LSM10: variants seen among roughly 807,000 people sequenced by gnomAD.
LSM10 encodes LSM10, U7 small nuclear RNA associated.
In LSM10, 4 loss-of-function variants were observed where a neutral mutation model predicts 5.2. The ratio of observed to expected loss-of-function variants is 0.77; its 90% CI spans 0.38 to 1.77. The LOEUF (loss-of-function observed/expected upper bound fraction) is 1.77, where lower values mean the gene tolerates loss of function less well. Among genes scored for constraint, LSM10 ranks in the 40% most tolerant of loss-of-function variants. The pLI, the probability that LSM10 is intolerant of heterozygous loss-of-function variation, is 0.04. For synonymous variants in LSM10, 63 were observed against 67.4 expected, an observed-to-expected ratio of 0.94 and a Z score of 0.32; for missense variants, 150 against 171.6, an observed-to-expected ratio of 0.87 and a Z score of 0.70.
At position 36,393,821 on chromosome 1, in the gene LSM10, C is replaced by G; in HGVS notation, c.309G>C (p.Arg103=). The change falls in exon 2 of 2, where the codon CGG becomes CGC. Residue 103 remains arginine (R), a synonymous_variant. Transcript: ENST00000315732. ...TIEQQLQIIH[R]VRNFGGKGQG... is the part of the protein sequence containing the mutation. Reference sequence around the variant, plus strand: ...GGCCCTTGCCACCAAAGTTTCGCACCCGATGGATAATCTGCAGCTGCTGCT... The same window carrying G: ...GGCCCTTGCCACCAAAGTTTCGCACGCGATGGATAATCTGCAGCTGCTGCT... 1.9e-6 allele frequency: 3 copies of G among 1,614,202 alleles called. No individual in the cohort carries two copies. The highest frequency in any genetic ancestry group is 1.1e-5 in the South Asian group (1 of 91,092).
chr1:36,394,549 G>A (rs11263880), intron 1 of LSM10, among the ~76,000 whole-genome samples: 47,359 of 151,662 alleles, frequency 0.31, 7,498 homozygotes, highest in African/African-American at 0.35. Flanking sequence ...GCTCACGCCT[G>A]TAATCCCAGC....
In LSM10 at chr1:36,393,812, G is replaced by A. The variant is rs751719074; in HGVS notation, c.318C>T (p.Asn106=). 3.1e-6 allele frequency: 5 copies of A among 1,614,128 alleles called. No individual in the cohort carries two copies. The highest frequency in any genetic ancestry group is 3.3e-5 in the Admixed American group (2 of 60,002). ...QQLQIIHRVR[N]FGGKGQGRWE... ...ACCGGCCTTGGCCCTTGCCACCAAA[G>A]TTTCGCACCCGATGGATAATCTGCA... Residue 106 remains asparagine (N), a synonymous_variant, in exon 2 of 2, where the codon AAC becomes AAT. Transcript: ENST00000315732.
Position 36,395,130 on chromosome 1 carries a change from C to T in LSM10, c.-24-977G>A, listed in dbSNP as rs577629306. On this transcript the variant is annotated intron_variant, in intron 1 of 1. Coordinates refer to ENST00000315732, the MANE Select transcript of LSM10 (RefSeq NM_032881.3). Reference sequence around the variant, plus strand: ...CTCAAAAAATAAAGAAAATGGTGAGCATTTCTATTGGGTCAGAGACAAGAA... The same window carrying T: ...CTCAAAAAATAAAGAAAATGGTGAGTATTTCTATTGGGTCAGAGACAAGAA... 1.2e-4 allele frequency among the ~76,000 whole-genome samples: 18 copies of T among 152,130 alleles called. No individual in the cohort carries two copies. The South Asian group carries it at 2.5e-3, about 21-fold the overall frequency.
At chr1:36,396,914 G>A (rs1647161293) in intron 1 of LSM10, among the ~76,000 whole-genome samples, 1 of 151,926 alleles carries the variant, frequency 6.6e-6, no homozygotes, top group Non-Finnish European at 1.5e-5. Context: ...GTTACAGTGA[G>A]CCAAGATTGT....
At chr1:36,397,613 C>T (rs1436587829) in intron 1 of LSM10, 154 bp downstream of exon 1, 1 of 152,284 alleles carries the variant, frequency 6.6e-6, no homozygotes, top group Non-Finnish European at 1.5e-5. Flanking sequence ...ATGAGCACCG[C>T]TTACTCAGAG....
In LSM10 at chr1:36,393,991, C is replaced by T. The variant is rs1445791132; in HGVS notation, c.139G>A (p.Asp47Asn). Residue 47 changes from aspartate to asparagine, a missense_variant, in exon 2 of 2, where the codon GAT becomes AAT. Coordinates refer to ENST00000315732, the MANE Select transcript of LSM10 (RefSeq NM_032881.3). ...GCCAGGCGGATGTTCATGAAAGCAT[C>T]GACATTGTCTATGCGTCCGTGGGCC... ...SVAHGRIDNV[D>N]AFMNIRLAKV... 3.1e-6 allele frequency: 5 copies of T among 1,614,238 alleles called. No individual in the cohort carries two copies. Among genetic ancestry groups the T allele is most frequent in the Admixed American group, 1.7e-5 (1 of 60,028 alleles).
chr1:36,397,001 G>A (rs993320512), intron 1 of LSM10, among the ~76,000 whole-genome samples: 19 of 151,654 alleles, frequency 1.3e-4, no homozygotes, highest in African/African-American at 4.6e-4. Flanking sequence ...ATAATGAATT[G>A]GGGAAAAAAA....
chr1:36,396,057 C>T (rs1003831737), intron 1 of LSM10, among the ~76,000 whole-genome samples: 1 of 151,746 alleles, frequency 6.6e-6, no homozygotes, highest in African/African-American at 2.4e-5. Context: ...CCCATCTCTA[C>T]TAAAAATACA....
intron 1 of LSM10, among the ~76,000 whole-genome samples, chr1:36,396,759 G>A (rs1214684514): frequency 6.6e-6 from 1 of 152,200 alleles, no homozygotes. Context: ...ATCACCTGAG[G>A]TCAGGAGTTC....
Position 36,394,115 on chromosome 1 carries a change from A to G in LSM10, c.15T>C (p.His5=), listed in dbSNP as rs1265897660. 1 of 1,611,576 alleles carries G rather than the reference A, an allele frequency of 6.2e-7. No homozygotes were observed. Among genetic ancestry groups the G allele is most frequent in the Admixed American group, 1.7e-5 (1 of 60,000 alleles). MAVS[H]SVKERTISEN... ...CAGAGATGGTCCGCTCCTTCACTGA[A>G]TGGCTCACCGCCATTCTTCCACACC... Residue 5 remains histidine, a synonymous_variant, in exon 2 of 2, where the codon CAT becomes CAC. Transcript: ENST00000315732.
intron 1 of LSM10, among the ~76,000 whole-genome samples, chr1:36,397,094 G>A (rs967296443): frequency 6.6e-6 from 1 of 152,188 alleles, no homozygotes; most frequent in Non-Finnish European, 1.5e-5. Flanking sequence ...CCCTAATTAT[G>A]AAAACCTAGA....
At chr1:36,395,224 C>T (rs570584579) in intron 1 of LSM10, among the ~76,000 whole-genome samples, 7 of 152,078 alleles carry the variant, frequency 4.6e-5, no homozygotes, top group Non-Finnish European at 1.0e-4. Flanking sequence ...GTTCAAAAAA[C>T]GATTACGGAA....
intron 1 of LSM10, among the ~76,000 whole-genome samples, chr1:36,397,105 A>G (rs1647162571): frequency 6.6e-6 from 1 of 152,246 alleles, no homozygotes; most frequent in African/African-American, 2.4e-5. Flanking sequence ...AAAACCTAGA[A>G]AAGTTAATGT....
intron 1 of LSM10, among the ~76,000 whole-genome samples, chr1:36,395,975 A>G (rs1438216915): frequency 6.6e-6 from 1 of 151,898 alleles, no homozygotes; most frequent in African/African-American, 2.4e-5. Flanking sequence ...TAATCCCAGC[A>G]CTTTGGGAGA....
At position 36,393,945 on chromosome 1, in the gene LSM10, C is replaced by A. The variant is rs202079691; in HGVS notation, c.185G>T (p.Arg62Leu). ...IRLAKVTYTD[R>L]WGHQVKLDDL... ...ATCCAGCTTGACCTGATGCCCCCAA[C>A]GGTCCGTGTAGGTGACTTTGGCCAG... is the stretch of plus-strand genomic sequence containing the variant. The change falls in exon 2 of 2, where the codon CGT (arginine) becomes CTT (leucine). Residue 62 changes from arginine (R) to leucine (L), a missense_variant. Transcript: ENST00000315732. The A allele has an allele frequency of 2.5e-5, 40 of 1,614,152 alleles. No homozygotes were observed. Among genetic ancestry groups the A allele is most frequent in the Non-Finnish European group, 3.2e-5 (38 of 1,180,052 alleles).
rs752720325 is a variant in LSM10, at chr1:36,393,959, G to A, written c.171C>T (p.Val57=). Residue 57 remains valine (V), a synonymous_variant, in exon 2 of 2, where the codon GTC becomes GTT. Transcript: ENST00000315732. Reference sequence around the variant, plus strand: ...GATGCCCCCAACGGTCCGTGTAGGTGACTTTGGCCAGGCGGATGTTCATGA... The same window carrying A: ...GATGCCCCCAACGGTCCGTGTAGGTAACTTTGGCCAGGCGGATGTTCATGA... The part of the protein sequence containing the change: ...DAFMNIRLAK[V]TYTDRWGHQV... 2.5e-6 allele frequency: 4 copies of A among 1,614,248 alleles called. No homozygotes were observed. The South Asian group carries it at 3.3e-5, about 13-fold the overall frequency.
At chr1:36,395,174 T>G (rs1647149112) in intron 1 of LSM10, among the ~76,000 whole-genome samples, 2 of 152,176 alleles carry the variant, frequency 1.3e-5, no homozygotes, top group African/African-American at 4.8e-5. Flanking sequence ...CTTTTATGGC[T>G]TCTAATCAAC....
rs762361610 is a variant in LSM10, at chr1:36,393,761, C to T, written c.369G>A (p.Lys123=). The T allele has an allele frequency of 8.1e-6, 13 of 1,613,824 alleles. No individual in the cohort carries two copies. Among genetic ancestry groups the T allele is most frequent in the South Asian group, 5.5e-5 (5 of 91,068 alleles). Residue 123 remains lysine (K), a synonymous_variant, in exon 2 of 2, where the codon AAG becomes AAA. Coordinates refer to ENST00000315732, the MANE Select transcript of LSM10 (RefSeq NM_032881.3). ...GGGCCAGGGCTTGCTGAGGGCCTCACTTACAGTTTTTTGGGGGAAATTCCC... is the reference window on the plus strand; with the variant it reads ...GGGCCAGGGCTTGCTGAGGGCCTCATTTACAGTTTTTTGGGGGAAATTCCC... The part of the protein sequence containing the change: ...GRWEFPPKNC[K]
At chr1:36,397,272 G>T (rs570614960) in intron 1 of LSM10, among the ~76,000 whole-genome samples, 2 of 152,166 alleles carry the variant, frequency 1.3e-5, no homozygotes, top group African/African-American at 4.8e-5. Flanking sequence ...TGAGTTAAAG[G>T]GGGTGGAACG....
Sources: allele counts gnomAD v4.1 joint callset (sites outside exome capture counted in the v4.1 genomes callset), GRCh38; gene constraint gnomAD v4.1.1; transcripts MANE v1.5; gene names NCBI Gene and HGNC (gene_info 2026-07-23, HGNC 2026-07-21).